The following GRID2 variants were observed in gnomAD, a reference collection of about 807,000 sequenced individuals.
The protein encoded by GRID2 is glutamate ionotropic receptor delta type subunit 2.
In GRID2, 33 loss-of-function variants were observed where a neutral mutation model predicts 114.8. The ratio of observed to expected loss-of-function variants is 0.29; its 90% confidence interval spans 0.22 to 0.38. GRID2 has a LOEUF of 0.38. GRID2 is among the 10% of genes least tolerant of loss of function. The pLI is 1.00. For missense variants in GRID2, 1,184 were observed against 1,257.7 expected (o/e 0.94, Z 0.89); for synonymous variants, 505 against 449.9 (o/e 1.12, Z -1.55).
intron 1 of GRID2, among the ~76,000 whole-genome samples, chr4:92,507,599 A>T (rs1464526534): frequency 6.6e-6 from 1 of 151,924 alleles, no homozygotes; most frequent in East Asian, 1.9e-4. Context: ...TCAGTACAAG[A>T]GCTACTTCTG....
intron 2 of GRID2, among the ~76,000 whole-genome samples, chr4:92,593,265 A>T (rs566737674): frequency 6.6e-6 from 1 of 152,146 alleles, no homozygotes; most frequent in Admixed American, 6.5e-5. Context: ...CAGAGGTTAG[A>T]TAAGTAAAAT....
intron 13 of GRID2, among the ~76,000 whole-genome samples, chr4:93,614,864 C>T (rs1415870805): frequency 6.6e-6 from 1 of 152,158 alleles, no homozygotes; most frequent in African/African-American, 2.4e-5. Context: ...TATTAAATAA[C>T]AACAGCAATA....
rs371307516 is a variant in GRID2, at chr4:92,963,229, C to G, written c.245-121766C>G. Reference sequence around the variant, plus strand: ...ACTGAGGCAATTTCTTAAAGTAAAACAACAATGCAGTTTGCCTTATCAATT... The same window carrying G: ...ACTGAGGCAATTTCTTAAAGTAAAAGAACAATGCAGTTTGCCTTATCAATT... On this transcript the variant is annotated intron_variant, in intron 2 of 15. Transcript: ENST00000282020. Among the ~76,000 whole-genome samples, 4 of 151,934 alleles carry G rather than the reference C, an allele frequency of 2.6e-5. No homozygotes were observed. The East Asian group carries it at 7.7e-4, about 29-fold the overall frequency.
chr4:92,503,289 C>T (rs891796687), intron 1 of GRID2, among the ~76,000 whole-genome samples: 1 of 151,976 alleles, frequency 6.6e-6, no homozygotes, highest in African/African-American at 2.4e-5. Context: ...TTAGTTTCTC[C>T]TTTCTGTTTT....
At chr4:92,973,616 A>G (rs1015809819) in intron 2 of GRID2, among the ~76,000 whole-genome samples, 18 of 152,228 alleles carry the variant, frequency 1.2e-4, no homozygotes, top group African/African-American at 4.3e-4. Context: ...TAAGAGCACC[A>G]GAACCTGAAA....
chr4:92,605,530 T>C (rs976299353), intron 2 of GRID2, among the ~76,000 whole-genome samples: 49 of 152,072 alleles, frequency 3.2e-4, no homozygotes, highest in African/African-American at 1.2e-3. Context: ...AGGTAGAATG[T>C]GTATGATTTA....
At chr4:92,466,094 T>C (rs1236462337) in intron 1 of GRID2, among the ~76,000 whole-genome samples, 1 of 151,742 alleles carries the variant, frequency 6.6e-6, no homozygotes, top group Non-Finnish European at 1.5e-5. Context: ...GTAATTGCAG[T>C]TTTTGCAATT....
intron 2 of GRID2, among the ~76,000 whole-genome samples, chr4:92,745,927 A>G (rs960331038): frequency 6.6e-6 from 1 of 152,194 alleles, no homozygotes; most frequent in Non-Finnish European, 1.5e-5. Flanking sequence ...GCTGAAAATC[A>G]TCGGGTTTCT....
intron 2 of GRID2, among the ~76,000 whole-genome samples, chr4:92,791,760 A>G (rs762685109): frequency 6.6e-6 from 1 of 151,984 alleles, no homozygotes; most frequent in Middle Eastern, 3.4e-3. Flanking sequence ...CTGAGACAGC[A>G]GTAACCCTTT....
At position 92,587,099 on chromosome 4, in the gene GRID2, T is replaced by TGTGTGG. The variant is rs1491311695; in HGVS notation, c.89-3027_89-3026insGGTGTG. 1.4e-3 allele frequency among the ~76,000 whole-genome samples: 9 copies of TGTGTGG among 6,624 alleles called. 1 individual carries two copies. The African/African-American group carries it at 0.019, about 14-fold the overall frequency. The allele number at this position is 6,624 out of a possible 152,430, so 4.3% of individuals were successfully genotyped here. A position where few individuals can be genotyped will look rare whatever the true frequency, so the allele number is the denominator to read the frequency against. ...TATATAGAGAGTACTGATGAAATGCTGTGTGTGTGTGTGTGTGTGTGTGTG... is the reference window on the plus strand; with the variant it reads ...TATATAGAGAGTACTGATGAAATGCTGTGTGGGTGTGTGTGTGTGTGTGTGTGTGTG... On this transcript the variant is annotated intron_variant, in intron 1 of 15. Coordinates refer to ENST00000282020, the MANE Select transcript of GRID2 (RefSeq NM_001510.4).
intron 2 of GRID2, among the ~76,000 whole-genome samples, chr4:92,874,551 C>T (rs924108754): frequency 1.3e-5 from 2 of 152,090 alleles, no homozygotes; most frequent in African/African-American, 4.8e-5. Flanking sequence ...CCAAAGAGTA[C>T]TCAATTATTT....
intron 1 of GRID2, among the ~76,000 whole-genome samples, chr4:92,559,436 A>G (rs989624162): frequency 6.6e-6 from 1 of 152,168 alleles, no homozygotes; most frequent in Non-Finnish European, 1.5e-5. Flanking sequence ...CAGTATTCCT[A>G]ATCCAACATG....
intron 8 of GRID2, among the ~76,000 whole-genome samples, chr4:93,265,083 A>G (rs1462291310): frequency 6.6e-6 from 1 of 151,992 alleles, no homozygotes; most frequent in Non-Finnish European, 1.5e-5. Context: ...GCCTGGCCTA[A>G]TGTTATAATT....
chr4:93,528,575 T>C (rs1159489468), intron 13 of GRID2, among the ~76,000 whole-genome samples: 2 of 152,164 alleles, frequency 1.3e-5, no homozygotes, highest in Non-Finnish European at 2.9e-5. Context: ...AACTATCTTC[T>C]TCACATTATG....
At chr4:92,579,026 G>T (rs1308202436) in intron 1 of GRID2, among the ~76,000 whole-genome samples, 2 of 151,974 alleles carry the variant, frequency 1.3e-5, no homozygotes, top group African/African-American at 2.4e-5. Context: ...AATATTTTTT[G>T]AGTTTTAATC....
intron 8 of GRID2, among the ~76,000 whole-genome samples, chr4:93,366,354 C>T (rs918319220): frequency 2.6e-5 from 4 of 152,058 alleles, no homozygotes; most frequent in East Asian, 3.9e-4. Flanking sequence ...CTCTTATGGT[C>T]GAGACTGCAG....
chr4:93,361,492 A>G (rs888413603), intron 8 of GRID2, among the ~76,000 whole-genome samples: 15 of 150,186 alleles, frequency 1.0e-4, no homozygotes, highest in Non-Finnish European at 2.1e-4. Flanking sequence ...TATTATTATT[A>G]TTATTATTTG....
intron 1 of GRID2, among the ~76,000 whole-genome samples, chr4:92,391,320 C>T (rs561315915): frequency 6.6e-6 from 1 of 152,108 alleles, no homozygotes; most frequent in Non-Finnish European, 1.5e-5. Context: ...ATTGATACGA[C>T]TTCATGGTTA....
intron 3 of GRID2, among the ~76,000 whole-genome samples, chr4:93,103,224 C>T (rs1731868076): frequency 6.6e-6 from 1 of 152,054 alleles, no homozygotes; most frequent in African/African-American, 2.4e-5. Context: ...TTCCAGAGCT[C>T]CCTGCAGGTC....
Sources: allele counts gnomAD v4.1 joint callset (sites outside exome capture counted in the v4.1 genomes callset), GRCh38; gene constraint gnomAD v4.1.1; transcripts MANE v1.5; gene names NCBI Gene and HGNC (gene_info 2026-07-23, HGNC 2026-07-21).